Variants in ZBTB38 observed in about 807,000 individuals in gnomAD.
ZBTB38 encodes zinc finger and BTB domain containing 38.
ZBTB38 carries 20 observed loss-of-function variants against 76.8 expected under a neutral mutation model. The ratio of observed to expected loss-of-function variants is 0.26; its 90% confidence interval spans 0.18 to 0.38. The LOEUF is 0.38. ZBTB38 is among the 10% of genes least tolerant of loss of function. The pLI is 1.00. For synonymous variants in ZBTB38, 504 were observed against 544.2 expected (o/e 0.93, Z 1.03); for missense variants, 1,082 against 1,482.3 (o/e 0.73, Z 4.43).
chr3:141,426,947 G>C (rs1309131497), intron 5 of ZBTB38, among the ~76,000 whole-genome samples: 1 of 152,100 alleles, frequency 6.6e-6, no homozygotes, highest in Non-Finnish European at 1.5e-5. Flanking sequence ...CTCAGCTTTA[G>C]GCCAGCAATG....
At chr3:141,406,224 G>A (rs1489919365) in intron 5 of ZBTB38, among the ~76,000 whole-genome samples, 1 of 152,186 alleles carries the variant, frequency 6.6e-6, no homozygotes, top group East Asian at 1.9e-4. Flanking sequence ...TTGTGGCTGT[G>A]CTTCAGGACC....
Position 141,443,442 on chromosome 3 carries a change from G to T in ZBTB38, c.1054G>T (p.Asp352Tyr). 1 of 1,614,202 alleles carries T rather than the reference G, an allele frequency of 6.2e-7. No homozygotes were observed. The highest frequency in any genetic ancestry group is 1.1e-5 in the South Asian group (1 of 91,076). ...TTGTAGCTGCTGTTCCAAAGCCTTTGACAGCAGCACTCTGCTCAGTGCCCA... is the reference window on the plus strand; with the variant it reads ...TTGTAGCTGCTGTTCCAAAGCCTTTTACAGCAGCACTCTGCTCAGTGCCCA... ...YNCSCCSKAF[D>Y]SSTLLSAHMQ... The change falls in exon 6 of 6, where the codon GAC becomes TAC. Residue 352 changes from aspartate to tyrosine, a missense_variant. Asp to Tyr is a radical substitution (Grantham distance 160, BLOSUM62 -3). Coordinates refer to ENST00000321464, the MANE Select transcript of ZBTB38 (RefSeq NM_001376113.1). The surrounding 1 kb of genome is among the most constrained non-coding windows in gnomAD (Gnocchi z 5.6).
chr3:141,448,736 C>G lies in ZBTB38; in HGVS notation c.*2760C>G, dbSNP rs190896349. On this transcript the variant is annotated 3_prime_UTR_variant, in exon 6 of 6. Transcript: ENST00000321464. ...CTTTTTAAATGTTTTCATGTTATTT[C>G]TTTTGTGCAGCTATTTCATCTGTGT... The G allele has an allele frequency of 2.4e-4, 36 of 152,234 alleles. No individual in the cohort carries two copies. Among genetic ancestry groups the G allele is most frequent in the Admixed American group, 1.8e-3 (28 of 15,296 alleles). The allele number at this position is 152,234 out of a possible 1,614,324, so 9.4% of individuals were successfully genotyped here.
chr3:141,339,292 C>T (rs879828710), intron 1 of ZBTB38, among the ~76,000 whole-genome samples: 1 of 152,220 alleles, frequency 6.6e-6, no homozygotes, highest in Non-Finnish European at 1.5e-5. Flanking sequence ...CTAGGCCTAA[C>T]ATGCCACTCC....
Position 141,446,075 on chromosome 3 carries a change from A to G in ZBTB38, c.*99A>G. 2 of 953,592 alleles carry G rather than the reference A, an allele frequency of 2.1e-6. No homozygotes were observed. Among genetic ancestry groups the G allele is most frequent in the Non-Finnish European group, 1.4e-6 (1 of 696,240 alleles). 59.1% of individuals were successfully genotyped at this position (953,592 alleles called of 1,614,324 possible). ...TTTGTCCATGTGACAGTCATGAAGGAGTGAAATTAAAAAAAAAAAAAACTC... is the reference window on the plus strand; with the variant it reads ...TTTGTCCATGTGACAGTCATGAAGGGGTGAAATTAAAAAAAAAAAAAACTC... On this transcript the variant is annotated 3_prime_UTR_variant, in exon 6 of 6. Coordinates refer to ENST00000321464, the MANE Select transcript of ZBTB38 (RefSeq NM_001376113.1).
At chr3:141,338,324 TC>T (rs1943074947) in intron 1 of ZBTB38, among the ~76,000 whole-genome samples, 1 of 152,154 alleles carries the variant, frequency 6.6e-6, no homozygotes, top group Non-Finnish European at 1.5e-5. Context: ...TATAAATCGT[TC>T]TGCTGTAAAG....
At chr3:141,332,676 C>T (rs564536933) in intron 1 of ZBTB38, among the ~76,000 whole-genome samples, 1 of 152,266 alleles carries the variant, frequency 6.6e-6, no homozygotes, top group Non-Finnish European at 1.5e-5. Context: ...GTTCCTGGCG[C>T]CCTTGGCTTC....
intron 4 of ZBTB38, among the ~76,000 whole-genome samples, chr3:141,392,167 A>G (rs76983194): frequency 2.0e-5 from 3 of 152,112 alleles, no homozygotes; most frequent in Non-Finnish European, 1.5e-5. Context: ...CTGGCATGTT[A>G]TACTTCGTTG....
At chr3:141,401,756 T>C (rs1419984247) in intron 4 of ZBTB38, among the ~76,000 whole-genome samples, 1 of 152,130 alleles carries the variant, frequency 6.6e-6, no homozygotes, top group Non-Finnish European at 1.5e-5. Flanking sequence ...CTCTGAATAC[T>C]TTTTCAATGA....
chr3:141,330,183 ACTATAGC>A (rs1476276190), intron 1 of ZBTB38, among the ~76,000 whole-genome samples: 87 of 152,174 alleles, frequency 5.7e-4, no homozygotes, highest in African/African-American at 2.1e-3. Context: ...TCCAGTGTTG[ACTATAGC>A]CAGTGGCCTC....
intron 5 of ZBTB38, among the ~76,000 whole-genome samples, chr3:141,428,403 C>T (rs1430013616): frequency 1.3e-5 from 2 of 152,212 alleles, no homozygotes; most frequent in African/African-American, 4.8e-5. Context: ...GTTACCACAT[C>T]TGTACTATGA....
intron 5 of ZBTB38, among the ~76,000 whole-genome samples, chr3:141,422,152 A>G (rs1488038308): frequency 1.3e-5 from 2 of 152,240 alleles, no homozygotes; most frequent in African/African-American, 4.8e-5. Flanking sequence ...TGAAAGCAGA[A>G]TGGGCAGGCT....
At chr3:141,397,148 G>A (rs1419020775) in intron 4 of ZBTB38, among the ~76,000 whole-genome samples, 1 of 152,214 alleles carries the variant, frequency 6.6e-6, no homozygotes, top group Non-Finnish European at 1.5e-5. Flanking sequence ...TTCATCAATT[G>A]TCTTAGCTAG....
intron 5 of ZBTB38, chr3:141,425,969 A>C: frequency 3.0e-6 from 1 of 331,912 alleles, no homozygotes. Context: ...AGTGTGTAGA[A>C]CGGTGCAGAG....
At chr3:141,346,371 T>C (rs942840691) in intron 1 of ZBTB38, among the ~76,000 whole-genome samples, 13 of 152,184 alleles carry the variant, frequency 8.5e-5, no homozygotes, top group African/African-American at 3.1e-4. Flanking sequence ...AGCATTGAAA[T>C]AAACGCTTCC....
chr3:141,354,833 GTGATGGGCACTGGGAGAA>G (rs1019993162), intron 1 of ZBTB38, among the ~76,000 whole-genome samples: 1 of 151,802 alleles, frequency 6.6e-6, no homozygotes, highest in Non-Finnish European at 1.5e-5. Context: ...TGTTCCTCAG[GTGATGGGCACTGGGAGAA>G]TGATGGGCAC....
chr3:141,372,721 TAA>T (rs1348026991), intron 2 of ZBTB38, among the ~76,000 whole-genome samples: 1 of 150,846 alleles, frequency 6.6e-6, no homozygotes, highest in Non-Finnish European at 1.5e-5. Flanking sequence ...GTTGAAGGAA[TAA>T]GTTAAGAATA....
chr3:141,364,043 A>G (rs1261971595), upstream of ZBTB38, among the ~76,000 whole-genome samples: 1 of 152,178 alleles, frequency 6.6e-6, no homozygotes, highest in Non-Finnish European at 1.5e-5. Flanking sequence ...AATGACAACC[A>G]TAGACAGGGA....
chr3:141,340,966 G>GAAAAGAAAAGA (rs769713354), intron 1 of ZBTB38, among the ~76,000 whole-genome samples: 6 of 83,868 alleles, frequency 7.2e-5, no homozygotes, highest in African/African-American at 4.4e-4. Context: ...AAGAAAGAAA[G>GAAAAGAAAAGA]AAAGAAAGAA....
Sources: gnomAD v4.1 joint callset for allele counts (sites outside exome capture counted in the v4.1 genomes callset) on GRCh38, gnomAD v4.1.1 for gene constraint, Gnocchi (gnomAD v3.1) non-coding constraint, MANE v1.5 for transcripts, NCBI Gene and HGNC (gene_info 2026-07-23, HGNC 2026-07-21) for gene names.